Variants in NMRK1 observed in about 807,000 individuals in gnomAD.
NMRK1 encodes the protein NRK 1.
A neutral mutation model predicts 29.9 loss-of-function variants in NMRK1; 28 were observed. The ratio of observed to expected loss-of-function variants is 0.94; its 90% CI spans 0.69 to 1.28. The LOEUF is 1.28. Among genes scored for constraint, NMRK1 ranks in the 50% most tolerant of loss-of-function variants. The pLI, the probability that NMRK1 is intolerant of heterozygous loss-of-function variation, is 0.00. For synonymous variants in NMRK1, 58 were observed against 73.0 expected (o/e 0.79, Z 1.05); for missense variants, 218 against 233.1 (o/e 0.94, Z 0.42).
chr9:75,066,682 C>T (rs1196894798), intron 8 of NMRK1, 75 bp downstream of exon 8: 1 of 846,540 alleles, frequency 1.2e-6, no homozygotes, highest in Non-Finnish European at 2.1e-6. Flanking sequence ...TCTGGTATTC[C>T]ATTCTTTCAT....
intron 1 of NMRK1, among the ~76,000 whole-genome samples, chr9:75,087,088 G>C (rs1484752895): frequency 6.6e-6 from 1 of 151,960 alleles, no homozygotes; most frequent in Non-Finnish European, 1.5e-5. Context: ...TGCAGTTTTA[G>C]TAGAGATCGG....
intron 1 of NMRK1, 135 bp from the exon 2 acceptor site, chr9:75,083,285 C>A: frequency 1.6e-6 from 1 of 624,724 alleles, no homozygotes; most frequent in Non-Finnish European, 2.9e-6. Context: ...CCCGCATTAT[C>A]CACATTCCCG....
At chr9:75,083,015 CTCCA>C in intron 2 of NMRK1, 68 bp downstream of exon 2, 1 of 1,111,186 alleles carries the variant, frequency 9.0e-7, no homozygotes. Flanking sequence ...CCGTCCCCCA[CTCCA>C]TCCACACAGA....
rs970423634 is a variant in NMRK1 at position 75,078,613 on chromosome 9, T to C, written c.30-1033A>G. 19 of 1,182,520 alleles carry C rather than the reference T, an allele frequency of 1.6e-5. No individual in the cohort carries two copies. The African/African-American group carries it at 1.9e-4, about 12-fold the overall frequency. The allele number at this position is 1,182,520 out of a possible 1,614,324, so 73.3% of individuals were successfully genotyped here. A position where few individuals can be genotyped will look rare whatever the true frequency, so the allele number is the denominator to read the frequency against. Reference sequence around the variant, plus strand: ...AACATAAGTCAGGGCATCTGTGAACTTGAATGAGAAAAAAATTATACCTTT... The same window carrying C: ...AACATAAGTCAGGGCATCTGTGAACCTGAATGAGAAAAAAATTATACCTTT... On this transcript the variant is annotated intron_variant, in intron 2 of 8. Transcript: ENST00000361092.
At position 75,076,013 on chromosome 9, in the gene NMRK1, C is replaced by T. The variant is rs564800457; in HGVS notation, c.169+1146G>A. ...TTAGTACAGCCACTATGGAGAAGTA[C>T]AGAGATTCCTCAAAAAATTAAAAAT... On this transcript the variant is annotated intron_variant, in intron 4 of 8. Coordinates refer to ENST00000361092, the MANE Select transcript of NMRK1 (RefSeq NM_017881.3). 3.8e-4 allele frequency among the ~76,000 whole-genome samples: 58 copies of T among 152,286 alleles called. No homozygotes were observed. In the South Asian group the frequency reaches 0.012, roughly 30 times the overall value.
At chr9:75,086,272 C>T (rs1564144925) in intron 1 of NMRK1, among the ~76,000 whole-genome samples, 1 of 152,190 alleles carries the variant, frequency 6.6e-6, no homozygotes, top group East Asian at 1.9e-4. Flanking sequence ...TGCCAGGCTT[C>T]ATGAAGCAAA....
intron 1 of NMRK1, among the ~76,000 whole-genome samples, chr9:75,085,726 GTTTTTTTTTTTTTTTT>G (rs58741153): frequency 1.2e-5 from 1 of 85,130 alleles, no homozygotes; most frequent in Non-Finnish European, 2.3e-5. Context: ...TCAAATGTAA[GTTTTTTTTTTTTTTTT>G]TTTTTTTTTT....
chr9:75,087,347 C>A (rs577497252), intron 1 of NMRK1, among the ~76,000 whole-genome samples: 4 of 152,124 alleles, frequency 2.6e-5, no homozygotes, highest in Admixed American at 2.0e-4. Flanking sequence ...TTGTGTGCTC[C>A]AGTTCTTTCC....
At chr9:75,083,688 G>T (rs537870625) in intron 1 of NMRK1, among the ~76,000 whole-genome samples, 5 of 152,174 alleles carry the variant, frequency 3.3e-5, no homozygotes, top group Admixed American at 2.0e-4. Flanking sequence ...AGCTAATGCC[G>T]TTTAAAGACA....
At chr9:75,074,684 G>A (rs947171282) in intron 4 of NMRK1, among the ~76,000 whole-genome samples, 3 of 151,902 alleles carry the variant, frequency 2.0e-5, no homozygotes, top group African/African-American at 4.8e-5. Flanking sequence ...CACCACACCC[G>A]GCCATCCCTT....
chr9:75,080,551 C>G (rs1022909599), intron 2 of NMRK1, among the ~76,000 whole-genome samples: 1 of 152,156 alleles, frequency 6.6e-6, no homozygotes, highest in African/African-American at 2.4e-5. Context: ...ACTTGGGAGG[C>G]TGAGGCAGGA....
At chr9:75,078,447 T>G in intron 2 of NMRK1, 1 of 1,523,366 alleles carries the variant, frequency 6.6e-7, no homozygotes, top group South Asian at 1.2e-5. Context: ...CTGACCGGAC[T>G]GTGAAGTCCA....
At chr9:75,064,971 A>C (rs1823253556) in intron 8 of NMRK1, among the ~76,000 whole-genome samples, 1 of 151,970 alleles carries the variant, frequency 6.6e-6, no homozygotes, top group Admixed American at 6.6e-5. Flanking sequence ...TCTGGTTTCT[A>C]CCTCCTGCCC....
At chr9:75,071,153 T>G (rs1823677294) in intron 4 of NMRK1, among the ~76,000 whole-genome samples, 1 of 152,212 alleles carries the variant, frequency 6.6e-6, no homozygotes, top group Non-Finnish European at 1.5e-5. Flanking sequence ...GATCTTTCAT[T>G]ATTGTTCCAC....
chr9:75,086,039 C>T (rs1172961331), intron 1 of NMRK1, among the ~76,000 whole-genome samples: 1 of 151,862 alleles, frequency 6.6e-6, no homozygotes, highest in East Asian at 1.9e-4. Flanking sequence ...CACTGTCCAC[C>T]TCCACATCAC....
At position 75,061,534 on chromosome 9, in the gene NMRK1, G is replaced by T. The variant is rs955948970; in HGVS notation, c.*14C>A. ...TCCTAATTCACTTCAGGAAGGATTT[G>T]TTGTGTTCCGTCTTTATGCTGTCAC... On this transcript the variant is annotated 3_prime_UTR_variant, in exon 9 of 9. Coordinates refer to ENST00000361092, the MANE Select transcript of NMRK1 (RefSeq NM_017881.3). 2 of 1,607,140 alleles carry T rather than the reference G, an allele frequency of 1.2e-6. No individual in the cohort carries two copies. The highest frequency in any genetic ancestry group is 1.7e-6 in the Non-Finnish European group (2 of 1,175,080).
rs1824415092 is a variant in NMRK1 at position 75,083,153 on chromosome 9, A to G, written c.-35-3T>C. 1 of 1,401,010 alleles carries G rather than the reference A, an allele frequency of 7.1e-7. No homozygotes were observed. The highest frequency in any genetic ancestry group is 1.4e-5 in the African/African-American group (1 of 70,834). The allele number at this position is 1,401,010 out of a possible 1,614,324, so 86.8% of individuals were successfully genotyped here. A position where few individuals can be genotyped will look rare whatever the true frequency, so the allele number is the denominator to read the frequency against. The stretch of plus-strand genomic sequence containing the variant: ...AAATCACAGCTTCCTAATATTTCCT[A>G]AAAGTAAAAAAACAAACAAACAAAT... On this transcript the variant is annotated splice_polypyrimidine_tract_variant and splice_region_variant and intron_variant, in intron 1 of 8. Transcript: ENST00000361092.
At chr9:75,082,246 G>A (rs1305231691) in intron 2 of NMRK1, among the ~76,000 whole-genome samples, 1 of 152,188 alleles carries the variant, frequency 6.6e-6, no homozygotes, top group Non-Finnish European at 1.5e-5. Context: ...GGGTGAGAAG[G>A]AAGAGAAACA....
intron 6 of NMRK1, 74 bp from the exon 7 acceptor site, chr9:75,069,176 T>A: frequency 9.4e-7 from 1 of 1,062,260 alleles, no homozygotes; most frequent in South Asian, 1.3e-5. Flanking sequence ...ATGGTCAGGA[T>A]AATGGGGAAA....
Sources: allele counts gnomAD v4.1 joint callset (sites outside exome capture counted in the v4.1 genomes callset), GRCh38; gene constraint gnomAD v4.1.1; transcripts MANE v1.5; gene names NCBI Gene and HGNC (gene_info 2026-07-23, HGNC 2026-07-21).